TTC23: variants seen among roughly 807,000 people sequenced by gnomAD.
TTC23 encodes tetratricopeptide repeat protein 23.
Under a neutral mutation model 55.1 loss-of-function variants are expected in TTC23, and 58 were observed. The observed-to-expected ratio is 1.05, with a 90% CI of 0.85 to 1.31. The LOEUF (loss-of-function observed/expected upper bound fraction) is 1.31, where lower values mean the gene tolerates loss of function less well. Among genes scored for constraint, TTC23 ranks in the 50% most tolerant of loss-of-function variants. TTC23 has a pLI of 0.00. For missense variants in TTC23, 516 were observed against 534.4 expected (o/e 0.97, Z 0.34); for synonymous variants, 203 against 199.9 (o/e 1.02, Z -0.13).
chr15:99,174,643 G>A (rs2073332018), intron 10 of TTC23, among the ~76,000 whole-genome samples: 1 of 152,190 alleles, frequency 6.6e-6, no homozygotes, highest in African/African-American at 2.4e-5. Flanking sequence ...AGCCGTGTAA[G>A]TTCATCCTGA....
chr15:99,154,133 C>A (rs1400681482), intron 12 of TTC23, among the ~76,000 whole-genome samples: 1 of 152,202 alleles, frequency 6.6e-6, no homozygotes, highest in Non-Finnish European at 1.5e-5. Flanking sequence ...AAGGATGTCA[C>A]AGAAGACATA....
At chr15:99,223,965 A>C (rs2152057997) in intron 5 of TTC23, among the ~76,000 whole-genome samples, 1 of 152,348 alleles carries the variant, frequency 6.6e-6, no homozygotes, top group East Asian at 1.9e-4. Flanking sequence ...CAGAGTTGTG[A>C]AGAAGATCCA....
At position 99,156,273 on chromosome 15, in the gene TTC23, A is replaced by T. The variant is rs1555499144; in HGVS notation, c.1018T>A (p.Ser340Thr). The change falls in exon 12 of 14, where the codon TCC (serine) becomes ACC (threonine). Residue 340 changes from serine to threonine, a missense_variant. Coordinates refer to ENST00000394132, the MANE Select transcript of TTC23 (RefSeq NM_001288615.3). ...KERATSILRE[S>T]LEAKVEAFGD... is the part of the protein sequence containing the mutation. ...AATGCTTCCACTTTGGCTTCCAGGGACTCTCTCAGGATCGAGGTTGCTCTC... is the reference window on the plus strand; with the variant it reads ...AATGCTTCCACTTTGGCTTCCAGGGTCTCTCTCAGGATCGAGGTTGCTCTC... 10 of 1,613,996 alleles carry T rather than the reference A, an allele frequency of 6.2e-6. No individual in the cohort carries two copies. The highest frequency in any genetic ancestry group is 8.5e-6 in the Non-Finnish European group (10 of 1,180,028).
chr15:99,187,473 A>AAC (rs2074820685), intron 9 of TTC23, among the ~76,000 whole-genome samples: 1 of 146,840 alleles, frequency 6.8e-6, no homozygotes, highest in East Asian at 2.0e-4. Context: ...AAAAAACAAA[A>AAC]CAAAAGAAAC....
chr15:99,201,116 T>G (rs942387389), intron 8 of TTC23, among the ~76,000 whole-genome samples: 2 of 152,218 alleles, frequency 1.3e-5, no homozygotes, highest in Admixed American at 6.5e-5. Context: ...CATTTCATGT[T>G]TGTGCTTTTC....
chr15:99,214,618 G>A (rs919501890), intron 8 of TTC23, among the ~76,000 whole-genome samples: 1 of 151,706 alleles, frequency 6.6e-6, no homozygotes, highest in African/African-American at 2.4e-5. Flanking sequence ...TGTAGAGATG[G>A]GGGTCTCCCC....
At chr15:99,201,722 G>A (rs926007900) in intron 8 of TTC23, among the ~76,000 whole-genome samples, 17 of 152,148 alleles carry the variant, frequency 1.1e-4, no homozygotes, top group African/African-American at 4.1e-4. Flanking sequence ...AATCTGGGAA[G>A]GAAAAAGATT....
chr15:99,154,217 AT>A (rs2070231505), intron 12 of TTC23, among the ~76,000 whole-genome samples: 1 of 152,248 alleles, frequency 6.6e-6, no homozygotes. Flanking sequence ...GAACTTCCAA[AT>A]TATTTTTATA....
At chr15:99,208,352 C>A (rs1472830522) in intron 8 of TTC23, among the ~76,000 whole-genome samples, 1 of 151,812 alleles carries the variant, frequency 6.6e-6, no homozygotes, top group African/African-American at 2.4e-5. Flanking sequence ...ATAATAATTG[C>A]CTATAATGTA....
At chr15:99,193,714 T>C (rs1459194667) in intron 9 of TTC23, among the ~76,000 whole-genome samples, 1 of 152,038 alleles carries the variant, frequency 6.6e-6, no homozygotes, top group African/African-American at 2.4e-5. Context: ...CTTTTGAAAG[T>C]TTTAAAGTTT....
chr15:99,159,924 A>G lies in TTC23; in HGVS notation c.993+1816T>C, dbSNP rs143402126. 723 of 152,800 alleles carry G rather than the reference A, an allele frequency of 4.7e-3. 3 individuals carry two copies. Among genetic ancestry groups the G allele is most frequent in the Middle Eastern group, 0.01 (3 of 298 alleles). 9.5% of individuals were successfully genotyped at this position (152,800 alleles called of 1,614,324 possible). A position where few individuals can be genotyped will look rare whatever the true frequency, so the allele number is the denominator to read the frequency against. ...CAGGACTAAAGATGGAAAACAATGG[A>G]TGCATTCAAGATCTATTTTGGAGGA... is the stretch of plus-strand genomic sequence containing the variant. On this transcript the variant is annotated intron_variant, in intron 11 of 13. Coordinates refer to ENST00000394132, the MANE Select transcript of TTC23 (RefSeq NM_001288615.3).
At chr15:99,190,571 G>A (rs1050002677) in intron 9 of TTC23, among the ~76,000 whole-genome samples, 1 of 152,142 alleles carries the variant, frequency 6.6e-6, no homozygotes, top group Non-Finnish European at 1.5e-5. Flanking sequence ...ATATATGTGT[G>A]TATGTTTGTA....
intron 8 of TTC23, among the ~76,000 whole-genome samples, chr15:99,210,494 C>T (rs1186462896): frequency 6.6e-6 from 1 of 152,152 alleles, no homozygotes; most frequent in African/African-American, 2.4e-5. Flanking sequence ...GTATTCTAGG[C>T]ACATAGTGTC....
chr15:99,161,202 A>G (rs889846161), intron 11 of TTC23: 1 of 152,554 alleles, frequency 6.6e-6, no homozygotes, highest in Non-Finnish European at 1.5e-5. Flanking sequence ...ACACACACAC[A>G]TATATAAAAA....
At chr15:99,247,310 G>A (rs561948588) in intron 1 of TTC23, among the ~76,000 whole-genome samples, 3 of 150,888 alleles carry the variant, frequency 2.0e-5, no homozygotes, top group South Asian at 4.3e-4. Context: ...AATTCCACTC[G>A]TAGATATACA....
chr15:99,250,177 T>G (rs2152112495), upstream of TTC23, among the ~76,000 whole-genome samples: 3 of 152,328 alleles, frequency 2.0e-5, no homozygotes, highest in Middle Eastern at 0.01. Flanking sequence ...TTCCTCATTT[T>G]AAGACCAGCA....
chr15:99,169,474 C>T (rs1257472044), intron 10 of TTC23, among the ~76,000 whole-genome samples: 1 of 152,134 alleles, frequency 6.6e-6, no homozygotes, highest in Non-Finnish European at 1.5e-5. Flanking sequence ...CCCAGGTGTC[C>T]ATGTCACCTG....
intron 9 of TTC23, among the ~76,000 whole-genome samples, chr15:99,180,653 T>C (rs2074026251): frequency 6.6e-6 from 1 of 152,160 alleles, no homozygotes; most frequent in South Asian, 2.1e-4. Flanking sequence ...CTTCAAACCC[T>C]GGAAGGAGTC....
intron 9 of TTC23, among the ~76,000 whole-genome samples, chr15:99,192,573 C>T (rs944490832): frequency 6.6e-6 from 1 of 152,172 alleles, no homozygotes. Flanking sequence ...GTTTGGGAAC[C>T]TCTGCCTAGA....
Sources: gnomAD v4.1 joint callset for allele counts (sites outside exome capture counted in the v4.1 genomes callset) on GRCh38, gnomAD v4.1.1 for gene constraint, MANE v1.5 for transcripts, NCBI Gene and HGNC (gene_info 2026-07-23, HGNC 2026-07-21) for gene names.